The following EPB41L1 variants were observed in gnomAD, a reference collection of about 807,000 sequenced individuals.
EPB41L1 encodes the protein band 4.1-like protein 1.
A neutral mutation model predicts 97.8 loss-of-function variants in EPB41L1; 29 were observed. The ratio of observed to expected loss-of-function variants is 0.30; its 90% CI spans 0.22 to 0.40. The LOEUF (loss-of-function observed/expected upper bound fraction) is 0.40. EPB41L1 is among the 10% of genes least tolerant of loss of function. EPB41L1 has a pLI of 1.00. For missense variants in EPB41L1, 812 were observed against 1,162.3 expected (o/e 0.70, Z 4.38); for synonymous variants, 383 against 459.2 (o/e 0.83, Z 2.12).
chr20:36,120,452 C>T (rs1020275000), intron 2 of EPB41L1, among the ~76,000 whole-genome samples: 1 of 152,208 alleles, frequency 6.6e-6, no homozygotes, highest in African/African-American at 2.4e-5. Flanking sequence ...GAAGCACACA[C>T]AGGCCTTGAA....
rs574539277 is a variant in EPB41L1, at chr20:36,190,167, C to T, written c.1027-110C>T. Reference sequence around the variant, plus strand: ...CTCCACCCTGGGCAAATGATCGAGACCCTGTGTCTCAAAAAAACATTAAAC... The same window carrying T: ...CTCCACCCTGGGCAAATGATCGAGATCCTGTGTCTCAAAAAAACATTAAAC... On this transcript the variant is annotated intron_variant, in intron 9 of 21. Coordinates refer to ENST00000338074, the MANE Select transcript of EPB41L1 (RefSeq NM_012156.2). This position sits in a 1 kb window ranked among gnomAD's most constrained non-coding sequence, Gnocchi z 5.8. 44 of 882,714 alleles carry T rather than the reference C, an allele frequency of 5.0e-5. No homozygotes were observed. In the African/African-American group the frequency reaches 7.0e-4, roughly 14 times the overall value. The allele number at this position is 882,714 out of a possible 1,614,324, so 54.7% of individuals were successfully genotyped here. A position where few individuals can be genotyped will look rare whatever the true frequency, so the allele number is the denominator to read the frequency against.
upstream of EPB41L1, chr20:36,151,124 TG>T (rs1372902227): frequency 3.3e-5 from 5 of 152,338 alleles, no homozygotes; most frequent in African/African-American, 1.2e-4. Context: ...GCAGTGACCT[TG>T]GGGGTCTGTG....
intron 14 of EPB41L1, chr20:36,200,978 G>A (rs2062463581): frequency 2.2e-6 from 1 of 456,934 alleles, no homozygotes; most frequent in African/African-American, 2.0e-5. Context: ...ATCTCCTGAG[G>A]TTACTGTCTT....
At chr20:36,165,981 G>A (rs998296460) in intron 1 of EPB41L1, among the ~76,000 whole-genome samples, 26 of 152,246 alleles carry the variant, frequency 1.7e-4, no homozygotes, top group Non-Finnish European at 7.3e-5. Context: ...CTCTTTGCAC[G>A]TGTGCATCCT....
chr20:36,172,184 T>G (rs763491389), intron 1 of EPB41L1, among the ~76,000 whole-genome samples: 1 of 152,182 alleles, frequency 6.6e-6, no homozygotes, highest in Non-Finnish European at 1.5e-5. Context: ...GTTCAAGCGA[T>G]TCTCCTGCTT....
At chr20:36,132,567 C>CGGG (rs71184088) in intron 2 of EPB41L1, among the ~76,000 whole-genome samples, 4 of 41,248 alleles carry the variant, frequency 9.7e-5, no homozygotes, top group East Asian at 2.2e-3. Context: ...TCTTTGTGGG[C>CGGG]GGGGGGGGGG....
At chr20:36,130,716 C>G (rs1291868102) in intron 2 of EPB41L1, among the ~76,000 whole-genome samples, 2 of 152,046 alleles carry the variant, frequency 1.3e-5, no homozygotes, top group African/African-American at 2.4e-5. Flanking sequence ...ACCTTTAACC[C>G]CCAGCATCCA....
chr20:36,136,433 G>T (rs960275816), intron 2 of EPB41L1, among the ~76,000 whole-genome samples: 1 of 148,614 alleles, frequency 6.7e-6, no homozygotes, highest in African/African-American at 2.5e-5. Context: ...AACTGCCTCA[G>T]CCTCCCACAG....
intron 14 of EPB41L1, chr20:36,205,907 T>A: frequency 7.8e-7 from 1 of 1,289,848 alleles, no homozygotes; most frequent in Non-Finnish European, 1.0e-6. Flanking sequence ...GAGCTCGGTC[T>A]CCTAAAAGTG....
chr20:36,220,319 C>T (rs1192812198), intron 19 of EPB41L1, among the ~76,000 whole-genome samples: 1 of 152,180 alleles, frequency 6.6e-6, no homozygotes, highest in Non-Finnish European at 1.5e-5. Context: ...GTTCACTGAG[C>T]AGATGTTAGT....
chr20:36,158,723 G>A (rs911113431), intron 1 of EPB41L1, among the ~76,000 whole-genome samples: 1 of 152,164 alleles, frequency 6.6e-6, no homozygotes, highest in Non-Finnish European at 1.5e-5. Context: ...TTCCTCATTC[G>A]TAAAATGCAG....
chr20:36,122,941 C>T (rs890063692), intron 2 of EPB41L1, among the ~76,000 whole-genome samples: 5 of 152,080 alleles, frequency 3.3e-5, no homozygotes, highest in Non-Finnish European at 7.4e-5. Context: ...AAAATGAGTG[C>T]CTCGACCCTT....
chr20:36,148,342 G>A (rs955334888), intron 2 of EPB41L1, among the ~76,000 whole-genome samples: 10 of 152,198 alleles, frequency 6.6e-5, no homozygotes, highest in Non-Finnish European at 1.5e-4. Context: ...AGGAGTTGGT[G>A]CAAAGAGGAA....
intron 2 of EPB41L1, among the ~76,000 whole-genome samples, chr20:36,130,680 A>G (rs1459383590): frequency 1.3e-5 from 2 of 152,204 alleles, no homozygotes; most frequent in African/African-American, 4.8e-5. Context: ...AGAGGCTCTC[A>G]GTAAACTTGC....
At chr20:36,123,164 C>T (rs1242858416) in intron 2 of EPB41L1, among the ~76,000 whole-genome samples, 2 of 151,988 alleles carry the variant, frequency 1.3e-5, no homozygotes, top group Non-Finnish European at 2.9e-5. Context: ...TTCTGAACGT[C>T]TCCATGATCG....
At chr20:36,181,198 T>C (rs1355049058) in intron 5 of EPB41L1, among the ~76,000 whole-genome samples, 1 of 152,190 alleles carries the variant, frequency 6.6e-6, no homozygotes, top group East Asian at 1.9e-4. Context: ...GGGCCTCGCT[T>C]TCTCACTTTG....
intron 1 of EPB41L1, among the ~76,000 whole-genome samples, chr20:36,165,216 A>T (rs2060690271): frequency 1.3e-5 from 2 of 151,574 alleles, no homozygotes; most frequent in Non-Finnish European, 2.9e-5. Flanking sequence ...TCCTGGCCTC[A>T]AGTGATTTGC....
At position 36,187,798 on chromosome 20, in the gene EPB41L1, G is replaced by C. The variant is rs1056380125; in HGVS notation, c.873+35G>C. 6 of 1,592,100 alleles carry C rather than the reference G, an allele frequency of 3.8e-6. No individual in the cohort carries two copies. The African/African-American group carries it at 5.4e-5, about 14-fold the overall frequency. On this transcript the variant is annotated intron_variant, in intron 8 of 21. Coordinates refer to ENST00000338074, the MANE Select transcript of EPB41L1 (RefSeq NM_012156.2). ...GCTTCCTGGGTTCCCCTAGTGTCTG[G>C]GTGGTGCCCCCAAAGAACTATCAGG... is the stretch of plus-strand genomic sequence containing the variant.
In EPB41L1 at chr20:36,138,449, G is replaced by C. The variant is rs976267362; in HGVS notation, c.-10+25969G>C. On this transcript the variant is annotated intron_variant, in intron 2 of 19. Coordinates refer to the EPB41L1 transcript ENST00000202028. ...CGCTAATTTTTGCATTTTTAGTAGA[G>C]ACAGGGTTTCACCATGTTGGCCAGG... Among the ~76,000 whole-genome samples the C allele has an allele frequency of 3.3e-5, 5 of 151,948 alleles. No individual in the cohort carries two copies. In the East Asian group the frequency reaches 7.7e-4, roughly 23 times the overall value.
Sources: gnomAD v4.1 joint callset for allele counts (sites outside exome capture counted in the v4.1 genomes callset) on GRCh38, gnomAD v4.1.1 for gene constraint, Gnocchi (gnomAD v3.1) non-coding constraint, MANE v1.5 for transcripts, NCBI Gene and HGNC (gene_info 2026-07-23, HGNC 2026-07-21) for gene names.